Variants in METTL15 observed in about 807,000 individuals in gnomAD.
METTL15 encodes the protein 12S rRNA N(4)-cytidine methyltransferase METTL15.
Under a neutral mutation model 38.3 loss-of-function variants are expected in METTL15, and 34 were observed. The observed-to-expected ratio is 0.89, with a 90% confidence interval of 0.68 to 1.18. The LOEUF (loss-of-function observed/expected upper bound fraction) is 1.18. Among genes scored for constraint, METTL15 ranks in the 50% most tolerant of loss-of-function variants. The pLI, the probability that METTL15 is intolerant of heterozygous loss-of-function variation, is 0.00. For synonymous variants in METTL15, 162 were observed against 170.9 expected (o/e 0.95, Z 0.41); for missense variants, 438 against 498.4 (o/e 0.88, Z 1.15).
chr11:28,473,657 G>A lies in METTL15; in HGVS notation c.*424+49293G>A, dbSNP rs1851320377. Among the ~76,000 whole-genome samples the A allele has an allele frequency of 2.6e-5, 4 of 152,026 alleles. No homozygotes were observed. In the South Asian group the frequency reaches 8.3e-4, roughly 32 times the overall value. On this transcript the variant is annotated intron_variant and NMD_transcript_variant, in intron 6 of 7. Coordinates refer to the METTL15 transcript ENST00000532947. ...AGCAACTATGGGCCAATCAGAATTG[G>A]GACTCAGGATGTCCCAGGCATAGAA...
chr11:28,447,216 T>A (rs533681931), intron 6 of METTL15, among the ~76,000 whole-genome samples: 1 of 152,286 alleles, frequency 6.6e-6, no homozygotes, highest in Non-Finnish European at 1.5e-5. Flanking sequence ...TTTTTCTTCT[T>A]AATTTGGGCC....
intron 5 of METTL15, among the ~76,000 whole-genome samples, chr11:28,378,128 C>T (rs1850339370): frequency 6.6e-6 from 1 of 152,078 alleles, no homozygotes; most frequent in African/African-American, 2.4e-5. Flanking sequence ...TGCCCTGCCC[C>T]CAGAGGTGGA....
At chr11:28,128,417 C>T (rs1013667345) in intron 3 of METTL15, among the ~76,000 whole-genome samples, 1 of 151,896 alleles carries the variant, frequency 6.6e-6, no homozygotes, top group African/African-American at 2.4e-5. Flanking sequence ...GAAAGACATT[C>T]GGGGAGTACA....
intron 4 of METTL15, among the ~76,000 whole-genome samples, chr11:28,253,656 C>G (rs763973463): frequency 3.5e-4 from 47 of 135,242 alleles, no homozygotes; most frequent in Non-Finnish European, 5.1e-4. Context: ...CCTTCTCAGT[C>G]TCTGGTAACC....
rs113062114 is a variant in METTL15 at position 28,427,460 on chromosome 11, T to A, written c.*424+3096T>A. Among the ~76,000 whole-genome samples, 23 of 152,322 alleles carry A rather than the reference T, an allele frequency of 1.5e-4. 1 individual carries two copies. The highest frequency in any genetic ancestry group is 5.1e-4 in the African/African-American group (21 of 41,556). On this transcript the variant is annotated intron_variant and NMD_transcript_variant, in intron 6 of 7. Transcript: ENST00000532947. ...TGAATATTAAAATAGTTTTTTCCAA[T>A]TCTGTGAATAATGTCAACGGTAGTT... is the stretch of plus-strand genomic sequence containing the variant.
intron 4 of METTL15, among the ~76,000 whole-genome samples, chr11:28,358,704 G>C (rs1850110648): frequency 6.6e-6 from 1 of 152,154 alleles, no homozygotes; most frequent in African/African-American, 2.4e-5. Context: ...TAAGGGGAGA[G>C]ACTATGTGAT....
chr11:28,152,950 T>C (rs911666502), intron 3 of METTL15, among the ~76,000 whole-genome samples: 9 of 152,012 alleles, frequency 5.9e-5, no homozygotes, highest in African/African-American at 2.2e-4. Flanking sequence ...TTAGACCATA[T>C]AGGGTAACTT....
chr11:28,213,755 A>G (rs372461938), intron 4 of METTL15, among the ~76,000 whole-genome samples: 151 of 148,932 alleles, frequency 1.0e-3, no homozygotes, highest in African/African-American at 1.9e-3. Context: ...TCCCGGGTTC[A>G]CACTATTCTC....
At chr11:28,268,264 A>G (rs1238586584) in intron 4 of METTL15, among the ~76,000 whole-genome samples, 1 of 151,310 alleles carries the variant, frequency 6.6e-6, no homozygotes, top group Non-Finnish European at 1.5e-5. Flanking sequence ...ATAATTGTAT[A>G]ATACTAGAAT....
At chr11:28,270,267 A>G (rs948173847) in intron 4 of METTL15, among the ~76,000 whole-genome samples, 1 of 152,216 alleles carries the variant, frequency 6.6e-6, no homozygotes, top group Non-Finnish European at 1.5e-5. Context: ...CAAATATTGC[A>G]TATAGTTATC....
chr11:28,310,980 G>A (rs1857278217), intron 6 of METTL15, among the ~76,000 whole-genome samples: 1 of 147,082 alleles, frequency 6.8e-6, no homozygotes, highest in African/African-American at 2.6e-5. Context: ...GTGTGTGTGT[G>A]TGTGTGTGTG....
intron 5 of METTL15, among the ~76,000 whole-genome samples, chr11:28,388,112 A>G (rs12287919): frequency 0.018 from 2,686 of 152,218 alleles, 51 homozygotes; most frequent in African/African-American, 0.051. Flanking sequence ...AAAAACTAAC[A>G]TCTTTTCCTC....
chr11:28,481,290 C>T (rs1022475363), intron 6 of METTL15, among the ~76,000 whole-genome samples: 5 of 152,134 alleles, frequency 3.3e-5, no homozygotes, highest in Non-Finnish European at 7.3e-5. Context: ...CCAGTGAAAC[C>T]CATTTTGGAC....
At chr11:28,478,115 AC>A (rs1851362582) in intron 6 of METTL15, among the ~76,000 whole-genome samples, 1 of 152,154 alleles carries the variant, frequency 6.6e-6, no homozygotes, top group Admixed American at 6.5e-5. Flanking sequence ...GTTATTTTAG[AC>A]CTATGTCCAT....
rs202045837 is a variant in METTL15, at chr11:28,172,904, TG to T, written c.271-38157del. Among the ~76,000 whole-genome samples the T allele has an allele frequency of 3.4e-3, 525 of 152,312 alleles. 1 individual carries two copies. The highest frequency in any genetic ancestry group is 5.4e-3 in the Non-Finnish European group (367 of 68,024). On this transcript the variant is annotated intron_variant, in intron 3 of 6. Transcript: ENST00000407364. ...TCTCCTTTTGTTGGCTACTTTTTTT[TG>T]TTTTCCTTTCTTCTTTCACATTTCA...
intron 3 of METTL15, among the ~76,000 whole-genome samples, chr11:28,203,678 A>T (rs1458542235): frequency 6.6e-6 from 1 of 152,008 alleles, no homozygotes; most frequent in Non-Finnish European, 1.5e-5. Flanking sequence ...ATAGTCTGTT[A>T]TGTCCCTTTG....
intron 4 of METTL15, among the ~76,000 whole-genome samples, chr11:28,360,857 G>A (rs991805613): frequency 5.4e-5 from 7 of 129,332 alleles, no homozygotes; most frequent in African/African-American, 1.2e-4. Flanking sequence ...CCCTTCCTGT[G>A]TCCATGTGTT....
chr11:28,470,240 A>G (rs183439821), intron 6 of METTL15, among the ~76,000 whole-genome samples: 229 of 152,216 alleles, frequency 1.5e-3, no homozygotes, highest in African/African-American at 5.4e-3. Context: ...ACCCCCTTAT[A>G]CTGGGGACTG....
intron 5 of METTL15, among the ~76,000 whole-genome samples, chr11:28,420,018 A>T (rs191160205): frequency 6.6e-6 from 1 of 152,288 alleles, no homozygotes; most frequent in East Asian, 1.9e-4. Context: ...ACCGTCTACA[A>T]GATCTAGAAA....
Sources: allele counts gnomAD v4.1 joint callset (sites outside exome capture counted in the v4.1 genomes callset), GRCh38; gene constraint gnomAD v4.1.1; transcripts MANE v1.5; gene names NCBI Gene and HGNC (gene_info 2026-07-23, HGNC 2026-07-21).